Variants in PARD3 observed in about 807,000 individuals in gnomAD.
The protein encoded by PARD3 is par-3 family cell polarity regulator, also known as partitioning defective 3 homolog.
Under a neutral mutation model 155.4 loss-of-function variants are expected in PARD3, and 75 were observed. The ratio of observed to expected loss-of-function variants is 0.48; its 90% CI spans 0.40 to 0.58. PARD3 has a LOEUF of 0.58. Ranked by LOEUF, PARD3 falls within the 20% of genes least tolerant of loss-of-function variation. The probability of loss-of-function intolerance (pLI) is 0.00; values close to 1 mark genes in which losing one functional copy is unlikely to be tolerated. For synonymous variants in PARD3, 576 were observed against 610.5 expected, an observed-to-expected ratio of 0.94 and a Z score of 0.83; for missense variants, 1,642 against 1,721.7, an observed-to-expected ratio of 0.95 and a Z score of 0.82.
At position 34,650,687 on chromosome 10, in the gene PARD3, C is replaced by G. The variant is rs560031554; in HGVS notation, c.222+45631G>C. On this transcript the variant is annotated intron_variant, in intron 2 of 24. Coordinates refer to ENST00000374788, the MANE Select transcript of PARD3 (RefSeq NM_001184785.2). ...ACTTAGGTCAGAAAGCACAAAAGAACACTAAAATGAAAAACCAAAAAGTGC... is the reference window on the plus strand; with the variant it reads ...ACTTAGGTCAGAAAGCACAAAAGAAGACTAAAATGAAAAACCAAAAAGTGC... 1.1e-4 allele frequency among the ~76,000 whole-genome samples: 17 copies of G among 152,160 alleles called. No homozygotes were observed. The East Asian group carries it at 2.9e-3, about 26-fold the overall frequency.
rs149757051 is a variant in PARD3 at position 34,168,628 on chromosome 10, C to T, written c.3420-37045G>A. On this transcript the variant is annotated intron_variant, in intron 22 of 24. Coordinates refer to ENST00000374788, the MANE Select transcript of PARD3 (RefSeq NM_001184785.2). ...CTGATATGTCCTGACAGGCCCTCCC[C>T]GCGAAGGATTCATTGGCTCTGAGGC... Among the ~76,000 whole-genome samples the T allele has an allele frequency of 3.7e-3, 566 of 152,212 alleles. 3 individuals are homozygous for T. Among genetic ancestry groups the T allele is most frequent in the African/African-American group, 0.013 (536 of 41,534 alleles).
chr10:34,657,401 A>T (rs1356139772), intron 2 of PARD3, among the ~76,000 whole-genome samples: 1 of 152,224 alleles, frequency 6.6e-6, no homozygotes, highest in Non-Finnish European at 1.5e-5. Flanking sequence ...CCAAAAAAAA[A>T]GTCTACTTCG....
chr10:34,375,137 A>G, intron 10 of PARD3, 135 bp from the exon 11 acceptor site: 1 of 667,348 alleles, frequency 1.5e-6, no homozygotes, highest in Non-Finnish European at 2.5e-6. Flanking sequence ...AACTCATTTC[A>G]TGCACAATTC....
At chr10:34,124,793 G>A (rs563917241) in intron 23 of PARD3, among the ~76,000 whole-genome samples, 3 of 152,060 alleles carry the variant, frequency 2.0e-5, no homozygotes, top group South Asian at 2.1e-4. Context: ...TTTTATCCCC[G>A]CCCCCATCTT....
intron 1 of PARD3, among the ~76,000 whole-genome samples, chr10:34,759,135 A>T (rs368606029): frequency 2.0e-5 from 3 of 152,166 alleles, no homozygotes; most frequent in Admixed American, 6.5e-5. Flanking sequence ...AGAAAAAAAA[A>T]CTCAATACTG....
chr10:34,666,297 A>T (rs1590515089), intron 2 of PARD3, among the ~76,000 whole-genome samples: 1 of 152,248 alleles, frequency 6.6e-6, no homozygotes, highest in South Asian at 2.1e-4. Flanking sequence ...GCATGTACAT[A>T]TTCATACCAT....
intron 14 of PARD3, among the ~76,000 whole-genome samples, chr10:34,353,478 G>A (rs1018474224): frequency 2.0e-5 from 3 of 152,084 alleles, no homozygotes; most frequent in Admixed American, 6.5e-5. Context: ...GATTAAGGGC[G>A]GTGCAAGATG....
chr10:34,376,787 GAAACTA>G (rs1173687476), intron 10 of PARD3, among the ~76,000 whole-genome samples: 1 of 122,748 alleles, frequency 8.1e-6, no homozygotes, highest in African/African-American at 4.7e-5. Context: ...AACCATATAT[GAAACTA>G]TAAGAAAAAA....
At position 34,294,572 on chromosome 10, in the gene PARD3, C is replaced by G. The variant is rs1050127491; in HGVS notation, c.3066-10327G>C. On this transcript the variant is annotated intron_variant, in intron 20 of 24. Coordinates refer to ENST00000374788, the MANE Select transcript of PARD3 (RefSeq NM_001184785.2). ...AAACAATTCCTTTTGATTCACATTT[C>G]TTAGCGAATGCTCTCTACAGAGTAA... Among the ~76,000 whole-genome samples the G allele has an allele frequency of 3.9e-5, 6 of 152,316 alleles. No individual in the cohort carries two copies. In the East Asian group the frequency reaches 1.2e-3, roughly 29 times the overall value.
intron 2 of PARD3, among the ~76,000 whole-genome samples, chr10:34,518,506 C>A (rs1237853057): frequency 6.6e-6 from 1 of 152,206 alleles, no homozygotes; most frequent in African/African-American, 2.4e-5. Flanking sequence ...CAAATGGAAG[C>A]AGGTGTCAAC....
At chr10:34,628,658 C>G (rs923834304) in intron 2 of PARD3, among the ~76,000 whole-genome samples, 5 of 152,156 alleles carry the variant, frequency 3.3e-5, no homozygotes, top group Non-Finnish European at 1.5e-5. Flanking sequence ...GAGACAGAGG[C>G]CAGAAAGCAA....
intron 22 of PARD3, among the ~76,000 whole-genome samples, chr10:34,133,848 T>C (rs1163649253): frequency 1.3e-5 from 2 of 152,228 alleles, no homozygotes; most frequent in African/African-American, 2.4e-5. Context: ...ATTTAACATA[T>C]TGGGAGGGGC....
intron 2 of PARD3, among the ~76,000 whole-genome samples, chr10:34,632,012 T>A (rs981185326): frequency 2.0e-5 from 3 of 152,180 alleles, no homozygotes; most frequent in African/African-American, 7.2e-5. Context: ...CCAGGCAGAG[T>A]GGCTCACGCC....
At chr10:34,494,646 G>C (rs1172450471) in intron 3 of PARD3, among the ~76,000 whole-genome samples, 2 of 152,134 alleles carry the variant, frequency 1.3e-5, no homozygotes, top group Non-Finnish European at 2.9e-5. Flanking sequence ...TTTATTTAAT[G>C]ATCATTTAAA....
At chr10:34,768,789 G>A (rs145142051) in intron 1 of PARD3, among the ~76,000 whole-genome samples, 270 of 152,296 alleles carry the variant, frequency 1.8e-3, no homozygotes, top group Non-Finnish European at 3.3e-3. Context: ...TTGGTCCTTG[G>A]CTGCCAGCCC....
chr10:34,542,843 T>A (rs1314661157), intron 2 of PARD3, among the ~76,000 whole-genome samples: 1 of 152,202 alleles, frequency 6.6e-6, no homozygotes, highest in East Asian at 1.9e-4. Flanking sequence ...CAGAAAATGA[T>A]ACATTCCTGT....
At chr10:34,308,488 A>G (rs1011685788) in intron 20 of PARD3, among the ~76,000 whole-genome samples, 32 of 152,326 alleles carry the variant, frequency 2.1e-4, no homozygotes, top group African/African-American at 7.7e-4. Flanking sequence ...CTTGTGGGGC[A>G]TAAGGGAAAA....
intron 12 of PARD3, among the ~76,000 whole-genome samples, chr10:34,362,624 T>A (rs1839558346): frequency 1.3e-5 from 2 of 152,186 alleles, no homozygotes; most frequent in African/African-American, 4.8e-5. Flanking sequence ...GCCTCCAGAG[T>A]AGCTGGGACT....
intron 2 of PARD3, among the ~76,000 whole-genome samples, chr10:34,542,829 T>G (rs2133899515): frequency 6.6e-6 from 1 of 152,320 alleles, no homozygotes; most frequent in Non-Finnish European, 1.5e-5. Flanking sequence ...TATACATCAC[T>G]TACCAGAAAA....
Sources: allele counts gnomAD v4.1 joint callset (sites outside exome capture counted in the v4.1 genomes callset), GRCh38; gene constraint gnomAD v4.1.1; transcripts MANE v1.5; gene names NCBI Gene and HGNC (gene_info 2026-07-23, HGNC 2026-07-21).